Variants in LIPM observed in about 807,000 individuals in gnomAD.
The protein encoded by LIPM is lipase family member M.
Under a neutral mutation model 42.4 loss-of-function variants are expected in LIPM, and 42 were observed. That is an observed-to-expected ratio of 0.99 (90% CI 0.77 to 1.28). LIPM has a LOEUF of 1.28. Ranked by LOEUF, LIPM falls within the 50% of genes most tolerant of loss-of-function variation. LIPM has a pLI of 0.00. For missense variants in LIPM, 524 were observed against 520.1 expected, an observed-to-expected ratio of 1.01 and a Z score of -0.07; for synonymous variants, 177 against 173.3, an observed-to-expected ratio of 1.02 and a Z score of -0.17.
rs376106955 is a variant in LIPM, at chr10:88,813,474, C to T, written c.464+179C>T. Among the ~76,000 whole-genome samples the T allele has an allele frequency of 3.9e-5, 6 of 152,144 alleles. No individual in the cohort carries two copies. The South Asian group carries it at 1.2e-3, about 32-fold the overall frequency. On this transcript the variant is annotated intron_variant, in intron 3 of 8. Transcript: ENST00000404743. ...TCCTTGGTTGAAGTAGTGAGGAATG[C>T]TGAGTTCCCCATGTAGAAGGTGGGT... is the stretch of plus-strand genomic sequence containing the variant.
rs1045707854 is a variant in LIPM at position 88,815,368 on chromosome 10, C to G, written c.723C>G (p.Gly241=). 21 of 1,551,332 alleles carry G rather than the reference C, an allele frequency of 1.4e-5. No individual in the cohort carries two copies. The Admixed American group carries it at 2.9e-4, about 22-fold the overall frequency. ...TCATATTTTCACAGGGATTGTTTGG[C>G]AAAAAAGAATTTCTGTATCAGACCA... ...LPDMMIKGLF[G]KKEFLYQTRF... The change falls in exon 6 of 9, where the codon GGC becomes GGG. Residue 241 remains glycine, a synonymous_variant. Transcript: ENST00000404743.
rs759595144 is a variant in LIPM at position 88,817,861 on chromosome 10, G to C, written c.967G>C (p.Gly323Arg). The C allele has an allele frequency of 2.6e-5, 41 of 1,551,234 alleles. No individual in the cohort carries two copies. In the Middle Eastern group the frequency reaches 6.7e-4, roughly 25 times the overall value. The change falls in exon 8 of 9, where the codon GGG becomes CGG. Residue 323 changes from glycine to arginine, a missense_variant. Physicochemically the swap from Gly to Arg is moderately radical, Grantham distance 125. Transcript: ENST00000404743. ...NSGELRAFDW[G>R]SETKNLEKCN... ...TGGTGAACTCCGGGCATTTGACTGG[G>C]GGAGTGAGACCAAAAATCTGGAAAA...
intron 1 of LIPM, 37 bp downstream of exon 1, chr10:88,803,080 T>G (rs1175918583): frequency 1.3e-6 from 2 of 1,535,974 alleles, no homozygotes; most frequent in Non-Finnish European, 1.8e-6. Flanking sequence ...GTACTTAACA[T>G]GTTAACGTTT....
intron 1 of LIPM, among the ~76,000 whole-genome samples, chr10:88,804,775 T>C (rs1462498052): frequency 5.3e-5 from 8 of 152,242 alleles, no homozygotes; most frequent in African/African-American, 1.7e-4. Context: ...AACCTGCCCC[T>C]TAATTTGCAT....
At chr10:88,808,259 AGAGAACT>A in intron 1 of LIPM, 32 bp from the exon 2 acceptor site, 1 of 1,153,550 alleles carries the variant, frequency 8.7e-7, no homozygotes, top group Non-Finnish European at 1.3e-6. Context: ...ATATGGCCAC[AGAGAACT>A]GAACCTAAAA....
intron 2 of LIPM, 105 bp downstream of exon 2, chr10:88,808,520 G>A: frequency 3.0e-6 from 2 of 676,558 alleles, no homozygotes; most frequent in Admixed American, 4.4e-5. Context: ...TGCAGAGTGA[G>A]GTCCATTGTT....
At chr10:88,820,200 A>G (rs1318821984) in intron 8 of LIPM, 32 bp from the exon 9 acceptor site, 3 of 1,507,720 alleles carry the variant, frequency 2.0e-6, no homozygotes, top group East Asian at 2.5e-5. Flanking sequence ...TCCAAATGTT[A>G]CCTAGAGTTA....
chr10:88,819,060 T>C (rs117699321), intron 8 of LIPM, among the ~76,000 whole-genome samples: 6,296 of 151,858 alleles, frequency 0.041, 186 homozygotes, highest in Non-Finnish European at 0.067. Context: ...GCTAATTTTT[T>C]TTTTGTACTT....
At position 88,816,266 on chromosome 10, in the gene LIPM, G is replaced by C. The variant is rs74439092; in HGVS notation, c.859-550G>C. The stretch of plus-strand genomic sequence containing the variant: ...CAAAGCAGACTGAGAGTGGAGGGCT[G>C]TTTGCCAGCAGCACTCCCAGCAGCT... On this transcript the variant is annotated intron_variant, in intron 6 of 8. Coordinates refer to ENST00000404743, the MANE Select transcript of LIPM (RefSeq NM_001128215.1). 4.5e-3 allele frequency among the ~76,000 whole-genome samples: 680 copies of C among 152,240 alleles called. 15 individuals carry two copies. The East Asian group carries it at 0.071, about 16-fold the overall frequency.
At chr10:88,812,682 G>T (rs1273944827) in intron 2 of LIPM, among the ~76,000 whole-genome samples, 3 of 152,156 alleles carry the variant, frequency 2.0e-5, no homozygotes, top group Admixed American at 6.5e-5. Context: ...CTTTTGACAT[G>T]AAGGTCTCTT....
chr10:88,818,030 A>T, intron 8 of LIPM, 134 bp downstream of exon 8: 1 of 709,924 alleles, frequency 1.4e-6, no homozygotes, highest in Admixed American at 2.6e-5. Flanking sequence ...TTCATGTTTG[A>T]CTCCATTTGA....
At chr10:88,812,311 A>G (rs945181799) in intron 2 of LIPM, among the ~76,000 whole-genome samples, 3 of 152,156 alleles carry the variant, frequency 2.0e-5, no homozygotes, top group Non-Finnish European at 4.4e-5. Flanking sequence ...AGGTTTTTCT[A>G]AAGTTAGTAT....
intron 2 of LIPM, among the ~76,000 whole-genome samples, chr10:88,810,523 A>AAAAC (rs1328758628): frequency 6.6e-6 from 1 of 152,112 alleles, no homozygotes; most frequent in African/African-American, 2.4e-5. Context: ...AAAAAAAAAA[A>AAAAC]AAATTCACCA....
intron 2 of LIPM, among the ~76,000 whole-genome samples, chr10:88,808,689 A>G (rs1367018213): frequency 1.3e-5 from 2 of 152,032 alleles, no homozygotes; most frequent in African/African-American, 4.8e-5. Context: ...CGCTTAACCC[A>G]TTCCCCAAAA....
chr10:88,815,610 A>G (rs928599863), intron 6 of LIPM, 107 bp downstream of exon 6: 1 of 972,100 alleles, frequency 1.0e-6, no homozygotes, highest in Non-Finnish European at 1.5e-6. Flanking sequence ...GAGTAATGAT[A>G]TATTCTCAGT....
At chr10:88,814,505 A>G (rs1302258274) in intron 3 of LIPM, 25 bp from the exon 4 acceptor site, 1 of 1,466,424 alleles carries the variant, frequency 6.8e-7, no homozygotes, top group South Asian at 1.2e-5. Context: ...AATTTTTCAT[A>G]TAACTTTGTC....
At chr10:88,809,120 A>G (rs1843623988) in intron 2 of LIPM, among the ~76,000 whole-genome samples, 1 of 151,766 alleles carries the variant, frequency 6.6e-6, no homozygotes, top group Non-Finnish European at 1.5e-5. Flanking sequence ...ACACCTGGCT[A>G]ATTTTTGTAT....
At chr10:88,805,484 T>G (rs1285929743) in intron 1 of LIPM, among the ~76,000 whole-genome samples, 1 of 152,228 alleles carries the variant, frequency 6.6e-6, no homozygotes, top group Admixed American at 6.6e-5. Context: ...AAGCAATATA[T>G]GCTCATTATA....
intron 2 of LIPM, among the ~76,000 whole-genome samples, chr10:88,811,744 C>T (rs1181064296): frequency 6.6e-6 from 1 of 152,120 alleles, no homozygotes; most frequent in Non-Finnish European, 1.5e-5. Flanking sequence ...CATTATCTCT[C>T]CCCCATCTCT....
Sources: allele counts gnomAD v4.1 joint callset (sites outside exome capture counted in the v4.1 genomes callset), GRCh38; gene constraint gnomAD v4.1.1; transcripts MANE v1.5; gene names NCBI Gene and HGNC (gene_info 2026-07-23, HGNC 2026-07-21).